Variants in ALDH1A2 observed in about 807,000 individuals in gnomAD.
ALDH1A2 encodes the protein aldehyde dehydrogenase 1 family member A2, also known as retinal dehydrogenase 2.
ALDH1A2 carries 27 observed loss-of-function variants against 60.3 expected under a neutral mutation model. The observed-to-expected ratio is 0.45, with a 90% CI of 0.33 to 0.62. ALDH1A2 has a LOEUF of 0.62. Ranked by LOEUF, ALDH1A2 falls within the 20% of genes least tolerant of loss-of-function variation. The probability of loss-of-function intolerance (pLI) is 0.02; values close to 1 mark genes in which losing one functional copy is unlikely to be tolerated. For missense variants in ALDH1A2, 581 were observed against 643.8 expected (o/e 0.90, Z 1.06); for synonymous variants, 289 against 232.4 (o/e 1.24, Z -2.21).
At chr15:57,972,147 A>G (rs1262007153) in intron 7 of ALDH1A2, among the ~76,000 whole-genome samples, 1 of 117,394 alleles carries the variant, frequency 8.5e-6, no homozygotes, top group Admixed American at 7.9e-5. Context: ...TAATTGGAAA[A>G]AAAGACAAGA....
At chr15:58,023,083 C>A (rs1895977508) in intron 1 of ALDH1A2, among the ~76,000 whole-genome samples, 1 of 151,722 alleles carries the variant, frequency 6.6e-6, no homozygotes, top group Admixed American at 6.6e-5. Context: ...GAATTCTGAA[C>A]ATAAAAAATC....
At chr15:57,998,041 C>T (rs1895124323) in intron 4 of ALDH1A2, among the ~76,000 whole-genome samples, 1 of 152,010 alleles carries the variant, frequency 6.6e-6, no homozygotes, top group Non-Finnish European at 1.5e-5. Flanking sequence ...ATTGATGGAA[C>T]ATACCTCAAA....
At chr15:57,990,510 A>C (rs764015067) in intron 7 of ALDH1A2, 4 of 152,206 alleles carry the variant, frequency 2.6e-5, no homozygotes, top group Admixed American at 6.5e-5. Context: ...TAAATGCCGG[A>C]GATGTAGGTA....
intron 7 of ALDH1A2, among the ~76,000 whole-genome samples, chr15:57,988,026 G>A (rs1429838555): frequency 2.0e-5 from 3 of 152,134 alleles, no homozygotes; most frequent in Non-Finnish European, 4.4e-5. Context: ...AGAAGGAAAT[G>A]GGCCTACAAC....
chr15:58,003,713 G>A (rs139725946), intron 4 of ALDH1A2, among the ~76,000 whole-genome samples: 3 of 151,896 alleles, frequency 2.0e-5, no homozygotes, highest in Non-Finnish European at 2.9e-5. Context: ...TTGTAGACGT[G>A]AGAGAAGAGG....
At chr15:57,994,896 C>T (rs1283752706) in intron 5 of ALDH1A2, among the ~76,000 whole-genome samples, 182 bp downstream of exon 5, 1 of 152,020 alleles carries the variant, frequency 6.6e-6, no homozygotes, top group Non-Finnish European at 1.5e-5. Context: ...AGAGCTGAAA[C>T]CCTATTAACC....
Position 57,979,442 on chromosome 15 carries a change from C to G in ALDH1A2, c.798+13263G>C, listed in dbSNP as rs180907797. ...CCCAGGTCTCTTCTCCCCGGCACAGCTCTGCTGGCAGCCTGGACGTGCCAG... is the reference window on the plus strand; with the variant it reads ...CCCAGGTCTCTTCTCCCCGGCACAGGTCTGCTGGCAGCCTGGACGTGCCAG... On this transcript the variant is annotated intron_variant, in intron 7 of 12. Transcript: ENST00000249750. 2.0e-3 allele frequency among the ~76,000 whole-genome samples: 300 copies of G among 152,290 alleles called. 1 individual carries two copies. The highest frequency in any genetic ancestry group is 0.012 in the Admixed American group (184 of 15,308).
chr15:57,995,583 C>T (rs1335963344), intron 4 of ALDH1A2, among the ~76,000 whole-genome samples: 2 of 151,932 alleles, frequency 1.3e-5, no homozygotes, highest in Non-Finnish European at 2.9e-5. Context: ...ATTTAAAATG[C>T]TCGGCAACTG....
intron 7 of ALDH1A2, among the ~76,000 whole-genome samples, chr15:57,966,361 T>C (rs923132629): frequency 1.3e-5 from 2 of 152,236 alleles, no homozygotes; most frequent in East Asian, 3.8e-4. Flanking sequence ...AGAATCTCTC[T>C]TTTTGTGCAA....
intron 1 of ALDH1A2, among the ~76,000 whole-genome samples, chr15:58,017,805 CATAAAA>C (rs149786567): frequency 0.056 from 8,454 of 151,814 alleles, 387 homozygotes; most frequent in African/African-American, 0.12. Flanking sequence ...GTAAATTATT[CATAAAA>C]ATAAAAATAA....
chr15:57,988,838 AGG>A (rs1894798564), intron 7 of ALDH1A2, among the ~76,000 whole-genome samples: 1 of 152,022 alleles, frequency 6.6e-6, no homozygotes, highest in Non-Finnish European at 1.5e-5. Context: ...GGCCTGAAAG[AGG>A]AGATTCCATT....
intron 1 of ALDH1A2, among the ~76,000 whole-genome samples, chr15:58,037,651 T>C (rs1359607033): frequency 6.6e-6 from 1 of 151,738 alleles, no homozygotes; most frequent in African/African-American, 2.4e-5. Context: ...TAGATTATGC[T>C]TTTGGTTTTG....
chr15:57,960,849 A>G lies in ALDH1A2; in HGVS notation c.1410-5T>C. On this transcript the variant is annotated splice_region_variant and splice_polypyrimidine_tract_variant and intron_variant, in intron 11 of 12. Coordinates refer to ENST00000249750, the MANE Select transcript of ALDH1A2 (RefSeq NM_003888.4). ...AAGGCATTGTAACAATTGATCCTGAAAGAAGAAAACATAGCACTGTGAGTT... is the reference window on the plus strand; with the variant it reads ...AAGGCATTGTAACAATTGATCCTGAGAGAAGAAAACATAGCACTGTGAGTT... 1 of 1,613,674 alleles carries G rather than the reference A, an allele frequency of 6.2e-7. No homozygotes were observed. The highest frequency in any genetic ancestry group is 8.5e-7 in the Non-Finnish European group (1 of 1,179,586).
chr15:57,983,829 G>C (rs1320331062), intron 7 of ALDH1A2, among the ~76,000 whole-genome samples: 1 of 152,136 alleles, frequency 6.6e-6, no homozygotes, highest in Non-Finnish European at 1.5e-5. Flanking sequence ...ATAAGTGCTT[G>C]ATAAATGTTT....
chr15:57,969,242 A>G (rs1019494164), intron 7 of ALDH1A2, among the ~76,000 whole-genome samples: 4 of 152,188 alleles, frequency 2.6e-5, no homozygotes, highest in South Asian at 2.1e-4. Flanking sequence ...TCCCTTACCA[A>G]TAAGGAATTC....
intron 1 of ALDH1A2, among the ~76,000 whole-genome samples, chr15:58,055,486 GAAA>G (rs1896872906): frequency 1.3e-5 from 2 of 151,930 alleles, no homozygotes; most frequent in Non-Finnish European, 2.9e-5. Flanking sequence ...GAGTTACACA[GAAA>G]AATATAATAC....
At chr15:57,996,518 C>A (rs1460801060) in intron 4 of ALDH1A2, among the ~76,000 whole-genome samples, 1 of 128,536 alleles carries the variant, frequency 7.8e-6, no homozygotes, top group Non-Finnish European at 1.7e-5. Flanking sequence ...TTTTTTTTTT[C>A]CTGTAAAGCT....
chr15:58,025,858 G>A (rs1404718595), intron 1 of ALDH1A2, among the ~76,000 whole-genome samples: 1 of 152,176 alleles, frequency 6.6e-6, no homozygotes, highest in Admixed American at 6.5e-5. Context: ...GGAAATGCCA[G>A]ACTTCTTTAA....
In ALDH1A2 at chr15:57,961,171, T is replaced by C. The variant is rs145205757; in HGVS notation, c.1375A>G (p.Thr459Ala). The C allele has an allele frequency of 2.7e-5, 44 of 1,614,032 alleles. No individual in the cohort carries two copies. Among genetic ancestry groups the C allele is most frequent in the Non-Finnish European group, 3.6e-5 (43 of 1,180,010 alleles). Reference sequence around the variant, plus strand: ...CCAGCTTGCATTGCAGAAGACACTGTGAGGGCCTTGTTGATGTCATTAGTA... The same window carrying C: ...CCAGCTTGCATTGCAGAAGACACTGCGAGGGCCTTGTTGATGTCATTAGTA... ...VFTNDINKAL[T>A]VSSAMQAGTV... Residue 459 changes from threonine to alanine, a missense_variant, in exon 11 of 13, where the codon ACA (threonine) becomes GCA (alanine). Coordinates refer to ENST00000249750, the MANE Select transcript of ALDH1A2 (RefSeq NM_003888.4).
Sources: gnomAD v4.1 joint callset for allele counts (sites outside exome capture counted in the v4.1 genomes callset) on GRCh38, gnomAD v4.1.1 for gene constraint, MANE v1.5 for transcripts, NCBI Gene and HGNC (gene_info 2026-07-23, HGNC 2026-07-21) for gene names.